The following HYAL4 variants were observed in gnomAD, a reference collection of about 807,000 sequenced individuals.
HYAL4 encodes the protein hyaluronidase 4, also known as hyaluronidase-4.
In HYAL4, 37 loss-of-function variants were observed where a neutral mutation model predicts 35.2. The ratio of observed to expected loss-of-function variants is 1.05; its 90% CI spans 0.81 to 1.38. The LOEUF is 1.38. Ranked by LOEUF, HYAL4 falls within the 40% of genes most tolerant of loss-of-function variation. The pLI, the probability that HYAL4 is intolerant of heterozygous loss-of-function variation, is 0.00. For synonymous variants in HYAL4, 198 were observed against 203.2 expected, an observed-to-expected ratio of 0.97 and a Z score of 0.22; for missense variants, 572 against 572.4, an observed-to-expected ratio of 1.00 and a Z score of 0.01.
the HYAL4 span, among the ~76,000 whole-genome samples, chr7:123,777,133 G>A: frequency 6.6e-6 from 1 of 152,058 alleles, no homozygotes; most frequent in Non-Finnish European, 1.5e-5. Flanking sequence ...CACCACCATT[G>A]TGTAATTTTT....
the HYAL4 span, among the ~76,000 whole-genome samples, chr7:123,800,006 C>G: frequency 6.6e-6 from 1 of 151,796 alleles, no homozygotes; most frequent in Non-Finnish European, 1.5e-5. Flanking sequence ...ACTAAAAATA[C>G]AAAGCATCAG....
At chr7:123,835,460 G>T (rs1387600057) in intron 1 of HYAL4, among the ~76,000 whole-genome samples, 1 of 151,938 alleles carries the variant, frequency 6.6e-6, no homozygotes, top group African/African-American at 2.4e-5. Context: ...AGCTTATTTG[G>T]ATTTTCTGTA....
chr7:123,857,708 T>C (rs1220418725), intron 2 of HYAL4, among the ~76,000 whole-genome samples: 2 of 151,622 alleles, frequency 1.3e-5, no homozygotes, highest in South Asian at 2.1e-4. Flanking sequence ...TTTCTTTCTT[T>C]CTTTCTTTCT....
the HYAL4 span, among the ~76,000 whole-genome samples, chr7:123,803,304 T>C: frequency 6.6e-6 from 1 of 152,208 alleles, no homozygotes; most frequent in South Asian, 2.1e-4. Flanking sequence ...TTTAAAAGAA[T>C]TTTTAAAAAG....
upstream of HYAL4, among the ~76,000 whole-genome samples, chr7:123,825,438 T>C (rs1216411247): frequency 6.6e-6 from 1 of 152,032 alleles, no homozygotes; most frequent in Admixed American, 6.6e-5. Flanking sequence ...GTTGATATAA[T>C]CAAAACTTTC....
chr7:123,799,782 A>C, the HYAL4 span, among the ~76,000 whole-genome samples: 3 of 152,176 alleles, frequency 2.0e-5, no homozygotes, highest in South Asian at 6.2e-4. Flanking sequence ...ACTGCACTTT[A>C]AACAAGGTCT....
At chr7:123,813,812 T>A in the HYAL4 span, among the ~76,000 whole-genome samples, 1 of 152,174 alleles carries the variant, frequency 6.6e-6, no homozygotes, top group Non-Finnish European at 1.5e-5. Flanking sequence ...CTTTTCTAGT[T>A]CCTCTTAGAG....
intron 2 of HYAL4, among the ~76,000 whole-genome samples, chr7:123,866,383 G>A (rs897532189): frequency 5.3e-5 from 8 of 152,146 alleles, no homozygotes; most frequent in African/African-American, 1.9e-4. Flanking sequence ...AGATTAGGAT[G>A]CATCTAATTG....
the HYAL4 span, among the ~76,000 whole-genome samples, chr7:123,778,155 G>GTCTATCTA: frequency 4.8e-3 from 639 of 132,692 alleles, 5 homozygotes; most frequent in Middle Eastern, 0.018. Flanking sequence ...CTATCTGTCT[G>GTCTATCTA]TCTGTCTATC....
At chr7:123,873,443 C>G (rs35020378) in intron 3 of HYAL4, among the ~76,000 whole-genome samples, 22,317 of 151,184 alleles carry the variant, frequency 0.15, 1,818 homozygotes, top group Non-Finnish European at 0.18. Context: ...ATTGTAAAAC[C>G]TTTTTTTGAG....
In HYAL4 at chr7:123,838,715, T is replaced by C. The variant is rs185923258; in HGVS notation, c.-256-5530T>C. On this transcript the variant is annotated intron_variant, in intron 1 of 4. Transcript: ENST00000489978. ...AGGCTGGGGAAGTTTTCCTCAATTA[T>C]TCCCCCGAATATGTTTTTTTAAACT... Among the ~76,000 whole-genome samples, 43 of 152,304 alleles carry C rather than the reference T, an allele frequency of 2.8e-4. 1 individual carries two copies. In the East Asian group the frequency reaches 7.9e-3, roughly 28 times the overall value.
At chr7:123,765,570 A>G in the HYAL4 span, among the ~76,000 whole-genome samples, 1 of 152,270 alleles carries the variant, frequency 6.6e-6, no homozygotes, top group African/African-American at 2.4e-5. Context: ...CTGCTAATGA[A>G]TAGTTTGTAT....
the HYAL4 span, among the ~76,000 whole-genome samples, chr7:123,778,538 T>C: frequency 6.6e-6 from 1 of 152,040 alleles, no homozygotes; most frequent in East Asian, 1.9e-4. Flanking sequence ...CCTCTTAAAT[T>C]TAAATAATTT....
In HYAL4 at chr7:123,876,778, T is replaced by C. The variant is rs771306812; in HGVS notation, c.1069T>C (p.Phe357Leu). 6.2e-7 allele frequency: 1 copy of C among 1,613,782 alleles called. No individual in the cohort carries two copies. Among genetic ancestry groups the C allele is most frequent in the East Asian group, 2.2e-5 (1 of 44,856 alleles). ...SKANCTKVKQ[F>L]VSSDLGSYIA... ...GGCCAACTGTACAAAGGTGAAGCAG[T>C]TTGTGAGTTCTGATTTAGGGAGCTA... is the stretch of plus-strand genomic sequence containing the variant. The change falls in exon 5 of 5, where the codon TTT (phenylalanine) becomes CTT (leucine). Residue 357 changes from phenylalanine (F) to leucine (L), a missense_variant. Coordinates refer to ENST00000223026, the MANE Select transcript of HYAL4 (RefSeq NM_012269.3).
chr7:123,800,824 T>G, the HYAL4 span, among the ~76,000 whole-genome samples: 1 of 150,612 alleles, frequency 6.6e-6, no homozygotes, highest in Non-Finnish European at 1.5e-5. Flanking sequence ...GCTGGCTAAT[T>G]TTTTTTTTGT....
the HYAL4 span, among the ~76,000 whole-genome samples, chr7:123,781,687 A>T: frequency 6.6e-6 from 1 of 152,152 alleles, no homozygotes; most frequent in Non-Finnish European, 1.5e-5. Context: ...AAGATTTAAT[A>T]TGAAAAACAA....
the HYAL4 span, chr7:123,814,961 A>T: frequency 6.6e-6 from 1 of 152,310 alleles, no homozygotes; most frequent in African/African-American, 2.4e-5. Context: ...ATGGCTAGAC[A>T]TGACTATGTT....
chr7:123,768,079 A>G, the HYAL4 span, among the ~76,000 whole-genome samples: 5 of 152,224 alleles, frequency 3.3e-5, no homozygotes, highest in South Asian at 2.1e-4. Flanking sequence ...CCACAAAGGT[A>G]TGTGAATAAA....
the HYAL4 span, among the ~76,000 whole-genome samples, chr7:123,795,890 GA>G: frequency 6.6e-6 from 1 of 152,152 alleles, no homozygotes; most frequent in Non-Finnish European, 1.5e-5. Flanking sequence ...ATATAGCTTG[GA>G]CCCAACATGT....
Sources: gnomAD v4.1 joint callset for allele counts (sites outside exome capture counted in the v4.1 genomes callset) on GRCh38, gnomAD v4.1.1 for gene constraint, MANE v1.5 for transcripts, NCBI Gene and HGNC (gene_info 2026-07-23, HGNC 2026-07-21) for gene names.